KCNT1: variants seen among roughly 807,000 people sequenced by gnomAD.
KCNT1 encodes potassium sodium-activated channel subfamily T member 1, also known as potassium channel subfamily T member 1.
KCNT1 carries 78 observed loss-of-function variants against 147.8 expected under a neutral mutation model. That is an observed-to-expected ratio of 0.53 (90% CI 0.44 to 0.64). The LOEUF (loss-of-function observed/expected upper bound fraction) is 0.64, where lower values mean the gene tolerates loss of function less well. Ranked by LOEUF, KCNT1 falls within the 30% of genes least tolerant of loss-of-function variation. The pLI is 0.00. For missense variants in KCNT1, 1,419 were observed against 1,750.3 expected, an observed-to-expected ratio of 0.81 and a Z score of 3.38; for synonymous variants, 867 against 748.8, an observed-to-expected ratio of 1.16 and a Z score of -2.58.
In KCNT1 at chr9:135,770,383, A is replaced by G; in HGVS notation, c.1705A>G (p.Ser569Gly). Residue 569 changes from serine to glycine, a missense_variant, in exon 17 of 31, where the codon AGC becomes GGC. Physicochemically the swap from Ser to Gly is moderately conservative, Grantham distance 56. Transcript: ENST00000371757. ...GGTGTACCACATCCGCATGGGTGAC[A>G]GCAAGTTCTTCCGCGAGTACGAGGG... ...NEVYHIRMGD[S>G]KFFREYEGKS... The G allele has an allele frequency of 6.2e-7, 1 of 1,613,332 alleles. No homozygotes were observed. Among genetic ancestry groups the G allele is most frequent in the Non-Finnish European group, 8.5e-7 (1 of 1,179,804 alleles).
In KCNT1 at chr9:135,749,803, C is replaced by T. The variant is rs117005981; in HGVS notation, c.255-295C>T. 0.045 allele frequency among the ~76,000 whole-genome samples: 6,880 copies of T among 152,300 alleles called. 211 individuals carry two copies. The highest frequency in any genetic ancestry group is 0.11 in the Middle Eastern group (31 of 294). On this transcript the variant is annotated intron_variant, in intron 2 of 30. Transcript: ENST00000371757. ...GGGCGAGGGTGTGTGGAGTGAGTGC[C>T]GCACCCTGAGCCCCAACAGGGCGGC...
Position 135,759,808 on chromosome 9 carries a change from G to C in KCNT1, c.984G>C (p.Gln328His), listed in dbSNP as rs1289554527. Reference sequence around the variant, plus strand: ...TCACGCCCAAGATCTGGCCATCGCAGCTGCTGGTGGTCATCATGATCTGCG... The same window carrying C: ...TCACGCCCAAGATCTGGCCATCGCACCTGCTGGTGGTCATCATGATCTGCG... ...GDVTPKIWPS[Q>H]LLVVIMICVA... Residue 328 changes from glutamine (Q) to histidine (H), a missense_variant, in exon 11 of 31, where the codon CAG becomes CAC. By Grantham distance (24) the Gln-to-His change is conservative (BLOSUM62 0). This residue lies in a region of KCNT1 where 401 missense variants were observed against 610.6 expected (regional missense o/e 0.66). Transcript: ENST00000371757. 7.4e-6 allele frequency: 12 copies of C among 1,613,134 alleles called. No homozygotes were observed. The highest frequency in any genetic ancestry group is 5.0e-5 in the Admixed American group (3 of 59,966).
intron 2 of KCNT1, among the ~76,000 whole-genome samples, chr9:135,744,064 C>A (rs940657812): frequency 6.6e-6 from 1 of 152,130 alleles, no homozygotes; most frequent in African/African-American, 2.4e-5. Context: ...CGGCACCCAG[C>A]CACTGCCAGA....
intron 22 of KCNT1, 44 bp downstream of exon 22, chr9:135,778,539 C>T (rs1365016225): frequency 6.2e-7 from 1 of 1,601,732 alleles, no homozygotes; most frequent in African/African-American, 1.3e-5. Flanking sequence ...CCACACCCAC[C>T]CCTCCCCTCC....
At chr9:135,732,024 A>AGAGAGAGAGAGGGAGGGAGG (rs1554766184) in intron 2 of KCNT1, among the ~76,000 whole-genome samples, 1 of 65,084 alleles carries the variant, frequency 1.5e-5, no homozygotes, top group Non-Finnish European at 3.2e-5. Context: ...AGAGAGAGAG[A>AGAGAGAGAGAGGGAGGGAGG]GAGAGAGAGA....
Position 135,721,595 on chromosome 9 carries a change from C to T in KCNT1, c.254+6875C>T, listed in dbSNP as rs371832482. Among the ~76,000 whole-genome samples the T allele has an allele frequency of 1.4e-4, 22 of 152,352 alleles. No homozygotes were observed. The East Asian group carries it at 3.5e-3, about 24-fold the overall frequency. On this transcript the variant is annotated intron_variant, in intron 2 of 30. Transcript: ENST00000371757. Reference sequence around the variant, plus strand: ...CAGAGCCTCGGGGCCGCCTGTCTGTCTTTCCTGGACCCCCTTGGTGTGCCA... The same window carrying T: ...CAGAGCCTCGGGGCCGCCTGTCTGTTTTTCCTGGACCCCCTTGGTGTGCCA...
rs1833435836 is a variant in KCNT1, at chr9:135,779,407, C to T, written c.2778C>T (p.Asn926=). 2 of 1,614,046 alleles carry T rather than the reference C, an allele frequency of 1.2e-6. No individual in the cohort carries two copies. The highest frequency in any genetic ancestry group is 2.2e-5 in the East Asian group (1 of 44,874). Reference sequence around the variant, plus strand: ...CCACGGAGCTCACCCACCCTTCCAACATGCGCTTCATGCAGTTCCGCGCCA... The same window carrying T: ...CCACGGAGCTCACCCACCCTTCCAATATGCGCTTCATGCAGTTCCGCGCCA... ...SITTELTHPS[N]MRFMQFRAKD... is the part of the protein sequence containing the mutation. Residue 926 remains asparagine, a synonymous_variant, in exon 24 of 31, where the codon AAC becomes AAT. Transcript: ENST00000371757.
At chr9:135,784,680 C>T (rs535292728) in intron 26 of KCNT1, 62 bp downstream of exon 26, 31 of 1,608,336 alleles carry the variant, frequency 1.9e-5, no homozygotes, top group African/African-American at 4.0e-5. Flanking sequence ...GGTGGATGGG[C>T]ACCTGCCCCT....
In KCNT1 at chr9:135,730,990, TAAAAAAAAA is replaced by T. The variant is rs56307359; in HGVS notation, c.254+16285_254+16293del. Among the ~76,000 whole-genome samples, 2 of 85,594 alleles carry T rather than the reference TAAAAAAAAA, an allele frequency of 2.3e-5. No homozygotes were observed. Among genetic ancestry groups the T allele is most frequent in the Admixed American group, 1.4e-4 (1 of 7,070 alleles). The allele number at this position is 85,594 out of a possible 152,430, so 56.2% of individuals were successfully genotyped here. ...AACAAAGTGAGATCCCGTCTCAAGG[TAAAAAAAAA>T]AAAAAAAAAAAAAAGTGTGGTTTAG... is the stretch of plus-strand genomic sequence containing the variant. On this transcript the variant is annotated intron_variant, in intron 2 of 30. Transcript: ENST00000371757. This position sits in a 1 kb window ranked among gnomAD's most constrained non-coding sequence, Gnocchi z 4.7.
At position 135,784,581 on chromosome 9, in the gene KCNT1, G is replaced by A; in HGVS notation, c.2990G>A (p.Gly997Asp). The A allele has an allele frequency of 2.5e-6, 4 of 1,581,938 alleles. No individual in the cohort carries two copies. Among genetic ancestry groups the A allele is most frequent in the Non-Finnish European group, 3.4e-6 (4 of 1,166,016 alleles). Residue 997 changes from glycine (G) to aspartate (D), a missense_variant, in exon 26 of 31, where the codon GGC (glycine) becomes GAC (aspartate). Gly to Asp is a moderately conservative substitution (Grantham distance 94). Around this residue, in one of 5 missense-constraint regions of KCNT1, gnomAD observed 247 missense variants for 397.1 expected, o/e 0.62. Transcript: ENST00000371757. ...YMITITRLLL[G>D]LDTTPGSGYL... ...ATCACCATCACCCGGCTGCTGCTGG[G>A]CCTGGACACCACGCCGGGCTCGGGG... is the stretch of plus-strand genomic sequence containing the variant.
At chr9:135,721,862 G>A (rs1027915772) in intron 2 of KCNT1, among the ~76,000 whole-genome samples, 7 of 152,216 alleles carry the variant, frequency 4.6e-5, no homozygotes, top group African/African-American at 1.2e-4. Flanking sequence ...CAGGAAGCAG[G>A]GTCCTGGAAG....
In KCNT1 at chr9:135,770,007, C is replaced by G; in HGVS notation, c.1571C>G (p.Pro524Arg). 6.4e-7 allele frequency: 1 copy of G among 1,557,008 alleles called. No homozygotes were observed. Among genetic ancestry groups the G allele is most frequent in the Non-Finnish European group, 8.7e-7 (1 of 1,150,646 alleles). Reference protein sequence around the residue: ...YAMLALNCICPATSTLITLLV... With the variant: ...YAMLALNCICRATSTLITLLV... ...ATGCTGGCGCTGAACTGCATCTGCC[C>G]GGCGACCTCCACCCTCATCACCCTG... Residue 524 changes from proline to arginine, a missense_variant, in exon 16 of 31, where the codon CCG becomes CGG. This residue lies in a region of KCNT1 where 401 missense variants were observed against 610.6 expected (regional missense o/e 0.66). Transcript: ENST00000371757.
intron 2 of KCNT1, among the ~76,000 whole-genome samples, chr9:135,725,682 C>T (rs1477729970): frequency 2.0e-5 from 3 of 152,064 alleles, no homozygotes; most frequent in African/African-American, 4.8e-5. Context: ...GCACCAAAGC[C>T]GGGGGGGCCC....
At position 135,779,367 on chromosome 9, in the gene KCNT1, C is replaced by CCAGCCT; in HGVS notation, c.2743_2748dup (p.Leu915_Ser916dup). ...CCGCCTGCCTCCCCCAGGCTCTTCCCCAGCCTCAGCATCACCACGGAGCTC... is the reference window on the plus strand; with the variant it reads ...CCGCCTGCCTCCCCCAGGCTCTTCCCCAGCCTCAGCCTCAGCATCACCACGGAGCTC... On this transcript the variant is annotated inframe_insertion, in exon 24 of 31. Transcript: ENST00000371757. 1.2e-6 allele frequency: 2 copies of CCAGCCT among 1,612,798 alleles called. No individual in the cohort carries two copies. Among genetic ancestry groups the CCAGCCT allele is most frequent in the Non-Finnish European group, 1.7e-6 (2 of 1,179,152 alleles).
Position 135,792,302 on chromosome 9 carries a change from G to C in KCNT1, c.*141G>C. On this transcript the variant is annotated 3_prime_UTR_variant, in exon 31 of 31. Transcript: ENST00000371757. ...CCATGGCTCCTGGGACTCCACCCTG[G>C]AAAGGAGCCCCTCATGCGGGGGGAG... is the stretch of plus-strand genomic sequence containing the variant. The C allele has an allele frequency of 8.8e-7, 1 of 1,132,744 alleles. No individual in the cohort carries two copies. Among genetic ancestry groups the C allele is most frequent in the Non-Finnish European group, 1.2e-6 (1 of 826,600 alleles). The allele number at this position is 1,132,744 out of a possible 1,614,324, so 70.2% of individuals were successfully genotyped here.
intron 2 of KCNT1, among the ~76,000 whole-genome samples, chr9:135,723,676 G>A (rs977408672): frequency 2.0e-5 from 3 of 152,218 alleles, no homozygotes; most frequent in Non-Finnish European, 2.9e-5. Context: ...GGCTCTCCTG[G>A]TGGGTGTCCG....
chr9:135,723,433 C>T (rs982016303), intron 2 of KCNT1, among the ~76,000 whole-genome samples: 3 of 152,252 alleles, frequency 2.0e-5, no homozygotes, highest in Admixed American at 1.3e-4. Context: ...TGCCATTGCC[C>T]GAGGCTTGGC....
At chr9:135,785,086 C>T (rs1016814384) in intron 27 of KCNT1, among the ~76,000 whole-genome samples, 197 bp downstream of exon 27, 1 of 152,202 alleles carries the variant, frequency 6.6e-6, no homozygotes, top group Admixed American at 6.5e-5. Context: ...TCCGTGTGCC[C>T]ACGTGTAGCG....
Position 135,791,787 on chromosome 9 carries a change from T to C in KCNT1, c.3503-10T>C, listed in dbSNP as rs768489324. On this transcript the variant is annotated splice_polypyrimidine_tract_variant and intron_variant, in intron 29 of 30. Coordinates refer to ENST00000371757, the MANE Select transcript of KCNT1 (RefSeq NM_020822.3). ...GGGGGGTGACGTCTGCCCGGCTGTG[T>C]CCTTTGCAGACGAGATGAACGACCA... The C allele has an allele frequency of 5.0e-6, 8 of 1,612,802 alleles. No homozygotes were observed. The East Asian group carries it at 1.3e-4, about 27-fold the overall frequency.
Sources: gnomAD v4.1 joint callset for allele counts (sites outside exome capture counted in the v4.1 genomes callset) on GRCh38, gnomAD v4.1.1 for gene constraint, gnomAD v4.1.1 regional missense constraint, Gnocchi (gnomAD v3.1) non-coding constraint, MANE v1.5 for transcripts, NCBI Gene and HGNC (gene_info 2026-07-23, HGNC 2026-07-21) for gene names.